The following VASP variants were observed in gnomAD, a reference collection of about 807,000 sequenced individuals.
VASP encodes the protein vasodilator stimulated phosphoprotein.
In VASP, 27 loss-of-function variants were observed where a neutral mutation model predicts 54.4. That is an observed-to-expected ratio of 0.50 (90% CI 0.37 to 0.68). VASP has a LOEUF of 0.68. VASP is among the 30% of genes least tolerant of loss of function. The probability of loss-of-function intolerance (pLI) is 0.00; values close to 1 mark genes in which losing one functional copy is unlikely to be tolerated. For synonymous variants in VASP, 233 were observed against 209.8 expected (o/e 1.11, Z -0.96); for missense variants, 488 against 528.3 (o/e 0.92, Z 0.75).
chr19:45,522,629 G>A (rs773968594), intron 6 of VASP, 48 bp downstream of exon 6: 20 of 1,530,624 alleles, frequency 1.3e-5, no homozygotes, highest in Non-Finnish European at 1.7e-5. Context: ...CTTTTATGGG[G>A]GATGAGGCCA....
chr19:45,508,923 CT>C (rs954288177), intron 1 of VASP, among the ~76,000 whole-genome samples: 1 of 152,174 alleles, frequency 6.6e-6, no homozygotes, highest in Non-Finnish European at 1.5e-5. Flanking sequence ...ACCATCCCCC[CT>C]ATTCTTCCCT....
At chr19:45,508,086 A>G (rs1968524761) in intron 1 of VASP, among the ~76,000 whole-genome samples, 1 of 151,498 alleles carries the variant, frequency 6.6e-6, no homozygotes, top group Non-Finnish European at 1.5e-5. Context: ...GACTCCCCGC[A>G]GGGATGCCAG....
chr19:45,524,607 C>T lies in VASP; in HGVS notation c.994C>T (p.Gln332Ter). Residue 332 changes from glutamine (Q) to a stop codon, truncating the protein, a stop_gained, in exon 11 of 13, where the codon CAA becomes TAA. Coordinates refer to ENST00000245932, the MANE Select transcript of VASP (RefSeq NM_003370.4). LOFTEE classifies it high-confidence loss of function. ...TTCTTCGGTGACCACTTCCGAGACC[C>T]AACCCTGCACGCCCAGCTCCAGTGA... ...SSSSVTTSET[Q>*]PCTPSSSDYS... The T allele has an allele frequency of 6.2e-7, 1 of 1,614,014 alleles. No homozygotes were observed. The highest frequency in any genetic ancestry group is 8.5e-7 in the Non-Finnish European group (1 of 1,179,986).
chr19:45,524,534 T>C, intron 10 of VASP, 36 bp from the exon 11 acceptor site: 1 of 1,596,182 alleles, frequency 6.3e-7, no homozygotes, highest in Non-Finnish European at 8.6e-7. Context: ...CTCTCTCTAA[T>C]CTCATTGCTG....
chr19:45,516,092 C>G (rs1382466209), intron 1 of VASP, among the ~76,000 whole-genome samples: 1 of 152,200 alleles, frequency 6.6e-6, no homozygotes, highest in Non-Finnish European at 1.5e-5. Context: ...GAAGTCCTGC[C>G]TGACTCTCCA....
Position 45,522,183 on chromosome 19 carries a change from G to A in VASP, c.444G>A (p.Pro148=), listed in dbSNP as rs559315697. The change falls in exon 5 of 13, where the codon CCG becomes CCA. Residue 148 remains proline (P), a synonymous_variant. Transcript: ENST00000245932. The part of the protein sequence containing the change: ...VEQQKRQQPG[P]SEHIERRVSN... The stretch of plus-strand genomic sequence containing the variant: ...CCCCCCACAGGCAGCAGCCCGGCCC[G>A]TCGGAGCACATAGAGCGCCGGGTCT... 1.5e-5 allele frequency: 24 copies of A among 1,614,058 alleles called. No individual in the cohort carries two copies. The highest frequency in any genetic ancestry group is 4.5e-5 in the East Asian group (2 of 44,876).
chr19:45,517,950 G>A lies in VASP; in HGVS notation c.199G>A (p.Val67Ile), dbSNP rs770221309. ...DQQVVINCAI[V>I]RGVKYNQATP... ...CCAGGTGGTCATCAACTGTGCCATC[G>A]TCCGGGGTGTCAAGTATAACCAGGC... The change falls in exon 3 of 13, where the codon GTC becomes ATC. Residue 67 changes from valine (V) to isoleucine (I), a missense_variant. Val to Ile is a conservative substitution (Grantham distance 29). Transcript: ENST00000245932. 70 of 1,607,182 alleles carry A rather than the reference G, an allele frequency of 4.4e-5. 1 individual carries two copies. Among genetic ancestry groups the A allele is most frequent in the South Asian group, 6.6e-5 (6 of 90,702 alleles).
chr19:45,518,204 T>C lies in VASP; in HGVS notation c.343+110T>C, dbSNP rs1329926816. ...TACTCGTCGGTAAAATAGAGCGAAT[T>C]CATTGTTATCATGGAAAATTATCAC... is the stretch of plus-strand genomic sequence containing the variant. On this transcript the variant is annotated intron_variant, in intron 3 of 12. Coordinates refer to ENST00000245932, the MANE Select transcript of VASP (RefSeq NM_003370.4). The C allele has an allele frequency of 4.3e-6, 6 of 1,396,618 alleles. No homozygotes were observed. The African/African-American group carries it at 8.7e-5, about 20-fold the overall frequency. 86.5% of individuals were successfully genotyped at this position (1,396,618 alleles called of 1,614,324 possible).
intron 7 of VASP, 150 bp from the exon 8 acceptor site, chr19:45,523,494 G>A: frequency 1.1e-6 from 1 of 902,432 alleles, no homozygotes. Context: ...ACTGCGCCCA[G>A]CACAATCTCT....
intron 1 of VASP, among the ~76,000 whole-genome samples, chr19:45,516,476 C>T (rs574686835): frequency 3.3e-5 from 5 of 152,232 alleles, no homozygotes; most frequent in East Asian, 3.9e-4. Flanking sequence ...GAGGGGGGTG[C>T]GTAGAGATAG....
chr19:45,521,229 G>A, intron 3 of VASP, 93 bp from the exon 4 acceptor site: 3 of 1,290,882 alleles, frequency 2.3e-6, no homozygotes, highest in African/African-American at 1.5e-5. Context: ...CCTCTGGGCA[G>A]GATTCCTGGG....
intron 11 of VASP, 191 bp from the exon 12 acceptor site, chr19:45,525,755 G>C (rs1195323760): frequency 1.1e-5 from 6 of 540,126 alleles, no homozygotes; most frequent in Non-Finnish European, 1.7e-5. Context: ...TGTGGTCCCA[G>C]CTACTTGGGA....
At chr19:45,517,858 C>T in intron 2 of VASP, 24 bp downstream of exon 2, 1 of 1,610,544 alleles carries the variant, frequency 6.2e-7, no homozygotes. Flanking sequence ...CCGGCCCCCT[C>T]TGTGGGCTGA....
intron 11 of VASP, chr19:45,524,953 C>T (rs574268243): frequency 2.1e-5 from 7 of 331,118 alleles, no homozygotes; most frequent in East Asian, 6.8e-5. Flanking sequence ...GGCTGGAATG[C>T]GCTTGCCAAC....
Position 45,524,640 on chromosome 19 carries a change from G to C in VASP, c.1027G>C (p.Asp343His). 1 of 1,613,822 alleles carries C rather than the reference G, an allele frequency of 6.2e-7. No homozygotes were observed. Among genetic ancestry groups the C allele is most frequent in the Non-Finnish European group, 8.5e-7 (1 of 1,179,910 alleles). ...CACGCCCAGCTCCAGTGATTACTCG[G>C]ACCTACAGAGGGTGAAACAGGTAAC... ...PCTPSSSDYS[D>H]LQRVKQELLE... is the part of the protein sequence containing the mutation. The change falls in exon 11 of 13, where the codon GAC (aspartate) becomes CAC (histidine). Residue 343 changes from aspartate (D) to histidine (H), a missense_variant. By Grantham distance (81) the Asp-to-His change is moderately conservative (BLOSUM62 -1). Around this residue, in one of 4 missense-constraint regions of VASP, gnomAD observed 126 missense variants for 134.8 expected, o/e 0.94. Transcript: ENST00000245932.
At chr19:45,519,368 T>A (rs1174575741) in intron 3 of VASP, among the ~76,000 whole-genome samples, 2 of 152,104 alleles carry the variant, frequency 1.3e-5, no homozygotes, top group African/African-American at 4.8e-5. Context: ...GGTTTCAAAC[T>A]CCTGGCCTCA....
At chr19:45,519,404 A>C (rs1968776561) in intron 3 of VASP, among the ~76,000 whole-genome samples, 1 of 151,892 alleles carries the variant, frequency 6.6e-6, no homozygotes, top group Non-Finnish European at 1.5e-5. Flanking sequence ...TCTGCCTCCC[A>C]AAGTGCTGGG....
At chr19:45,520,219 C>T (rs911632398) in intron 3 of VASP, among the ~76,000 whole-genome samples, 1 of 152,182 alleles carries the variant, frequency 6.6e-6, no homozygotes, top group Non-Finnish European at 1.5e-5. Context: ...ATTTCTTAAA[C>T]CTTAACGTGC....
chr19:45,522,559 C>G lies in VASP; in HGVS notation c.698C>G (p.Ala233Gly). ...APGLAAAIAG[A>G]KLRKVSKQEE... Reference sequence around the variant, plus strand: ...GGCCTGGCCGCAGCTATTGCTGGAGCCAAACTCAGGAAAGTCAGCAAGGTG... The same window carrying G: ...GGCCTGGCCGCAGCTATTGCTGGAGGCAAACTCAGGAAAGTCAGCAAGGTG... The change falls in exon 6 of 13, where the codon GCC (alanine) becomes GGC (glycine). Residue 233 changes from alanine to glycine, a missense_variant. Coordinates refer to ENST00000245932, the MANE Select transcript of VASP (RefSeq NM_003370.4). 2 of 1,460,758 alleles carry G rather than the reference C, an allele frequency of 1.4e-6. No individual in the cohort carries two copies. The highest frequency in any genetic ancestry group is 1.8e-6 in the Non-Finnish European group (2 of 1,112,158). 90.5% of individuals were successfully genotyped at this position (1,460,758 alleles called of 1,614,324 possible). A position where few individuals can be genotyped will look rare whatever the true frequency, so the allele number is the denominator to read the frequency against.
Sources: allele counts gnomAD v4.1 joint callset (sites outside exome capture counted in the v4.1 genomes callset), GRCh38; gene constraint gnomAD v4.1.1; regional missense constraint gnomAD v4.1.1; transcripts MANE v1.5; gene names NCBI Gene and HGNC (gene_info 2026-07-23, HGNC 2026-07-21).